FGD2: variants seen among roughly 807,000 people sequenced by gnomAD.
FGD2 encodes the protein FYVE, RhoGEF and PH domain containing 2, also known as FYVE, RhoGEF and PH domain-containing protein 2.
Under a neutral mutation model 75.9 loss-of-function variants are expected in FGD2, and 52 were observed. That is an observed-to-expected ratio of 0.69 (90% CI 0.55 to 0.86). The LOEUF is 0.86. Ranked by LOEUF, FGD2 falls within the 40% of genes least tolerant of loss-of-function variation. FGD2 has a pLI of 0.00. For synonymous variants in FGD2, 347 were observed against 348.6 expected (o/e 1.00, Z 0.05); for missense variants, 790 against 872.0 (o/e 0.91, Z 1.18).
chr6:37,020,984 G>A (rs578110888), intron 11 of FGD2, among the ~76,000 whole-genome samples: 2 of 151,406 alleles, frequency 1.3e-5, no homozygotes, highest in Admixed American at 6.6e-5. Flanking sequence ...GTGTTTGTGT[G>A]TATGTGTGCA....
At chr6:37,022,480 C>A in intron 13 of FGD2, 110 bp downstream of exon 13, 1 of 1,396,520 alleles carries the variant, frequency 7.2e-7, no homozygotes. Flanking sequence ...TCCACCTAGG[C>A]CTCCACCTGC....
At chr6:37,011,278 C>A in intron 3 of FGD2, 1 of 593,658 alleles carries the variant, frequency 1.7e-6, no homozygotes, top group South Asian at 2.0e-5. Context: ...CCCTGTATAG[C>A]AGAGAACACA....
At chr6:37,010,587 G>A (rs750366791) in intron 2 of FGD2, among the ~76,000 whole-genome samples, 13 of 152,196 alleles carry the variant, frequency 8.5e-5, no homozygotes, top group Admixed American at 3.3e-4. Flanking sequence ...AGGGACAGCC[G>A]GAAGACTGGG....
intron 3 of FGD2, 57 bp downstream of exon 3, chr6:37,011,107 C>A: frequency 6.7e-7 from 1 of 1,498,876 alleles, no homozygotes; most frequent in Non-Finnish European, 9.3e-7. Context: ...CTCACCTCAC[C>A]CCTTCTCAGC....
intron 2 of FGD2, 118 bp downstream of exon 2, chr6:37,009,183 G>A: frequency 2.1e-6 from 2 of 935,464 alleles, no homozygotes; most frequent in Non-Finnish European, 3.1e-6. Flanking sequence ...GGTATGGTGT[G>A]ATCAGAGGTC....
chr6:37,014,810 G>T, intron 7 of FGD2, 82 bp from the exon 8 acceptor site: 1 of 1,608,512 alleles, frequency 6.2e-7, no homozygotes, highest in Non-Finnish European at 8.5e-7. Flanking sequence ...TTACCCCCCA[G>T]TCCCCGTCCC....
intron 1 of FGD2, 56 bp downstream of exon 1, chr6:37,005,941 C>T: frequency 6.3e-7 from 1 of 1,586,434 alleles, no homozygotes; most frequent in Non-Finnish European, 8.6e-7. Context: ...CACCCTCCAG[C>T]CTTTCTGGCA....
rs1388248499 is a variant in FGD2 at position 37,014,919 on chromosome 6, T to C, written c.910T>C (p.Tyr304His). Reference sequence around the variant, plus strand: ...GCGGCTGCAGGACCTGTGGGAGGTGTACCAGCGCCTGGGCCTCGAGGACGA... The same window carrying C: ...GCGGCTGCAGGACCTGTGGGAGGTGCACCAGCGCCTGGGCCTCGAGGACGA... ...MERLQDLWEV[Y>H]QRLGLEDDIV... The change falls in exon 8 of 16, where the codon TAC becomes CAC. Residue 304 changes from tyrosine to histidine, a missense_variant. By Grantham distance (83) the Tyr-to-His change is moderately conservative. Transcript: ENST00000274963. 1 of 1,614,036 alleles carries C rather than the reference T, an allele frequency of 6.2e-7. No homozygotes were observed. The highest frequency in any genetic ancestry group is 8.5e-7 in the Non-Finnish European group (1 of 1,179,984).
chr6:37,013,446 T>A, intron 4 of FGD2, 163 bp from the exon 5 acceptor site: 8 of 1,425,770 alleles, frequency 5.6e-6, no homozygotes, highest in Non-Finnish European at 7.3e-6. Flanking sequence ...GTCTAAGGAG[T>A]AGAGGGGCGC....
rs771693088 is a variant in FGD2, at chr6:37,014,900, G to A, written c.891G>A (p.Leu297=). 2 of 1,613,870 alleles carry A rather than the reference G, an allele frequency of 1.2e-6. No homozygotes were observed. Among genetic ancestry groups the A allele is most frequent in the Non-Finnish European group, 1.7e-6 (2 of 1,179,870 alleles). The part of the protein sequence containing the change: ...SNAAITEMER[L]QDLWEVYQRL... ...GCACCCCAACCCCCTAGGAGCGGCTGCAGGACCTGTGGGAGGTGTACCAGC... is the reference window on the plus strand; with the variant it reads ...GCACCCCAACCCCCTAGGAGCGGCTACAGGACCTGTGGGAGGTGTACCAGC... Residue 297 remains leucine, a synonymous_variant, in exon 8 of 16, where the codon CTG becomes CTA. Coordinates refer to ENST00000274963, the MANE Select transcript of FGD2 (RefSeq NM_173558.4).
chr6:37,021,245 A>T (rs1765578205), intron 11 of FGD2, among the ~76,000 whole-genome samples: 1 of 152,070 alleles, frequency 6.6e-6, no homozygotes, highest in South Asian at 2.1e-4. Flanking sequence ...TTGGAGACCG[A>T]TCTGGGTTCC....
intron 9 of FGD2, 62 bp downstream of exon 9, chr6:37,015,922 A>C: frequency 6.9e-7 from 1 of 1,455,226 alleles, no homozygotes; most frequent in Non-Finnish European, 9.3e-7. Flanking sequence ...TACAGGGAGT[A>C]AGAGGAGGGG....
intron 9 of FGD2, among the ~76,000 whole-genome samples, chr6:37,018,475 G>A (rs1158317953): frequency 1.3e-5 from 2 of 152,124 alleles, no homozygotes; most frequent in East Asian, 3.8e-4. Flanking sequence ...GTTCCTATTG[G>A]CCTATGACTC....
intron 13 of FGD2, 75 bp from the exon 14 acceptor site, chr6:37,025,717 C>A: frequency 1.9e-6 from 3 of 1,569,168 alleles, no homozygotes; most frequent in Admixed American, 1.7e-5. Context: ...CATGCCCCCA[C>A]CTGCCCACCA....
chr6:37,021,679 T>C (rs887590432), intron 12 of FGD2, 75 bp downstream of exon 12: 19 of 1,322,372 alleles, frequency 1.4e-5, no homozygotes, highest in African/African-American at 7.3e-5. Flanking sequence ...GTTCTGCCTA[T>C]ACCAGCTCAG....
At chr6:37,023,829 A>C (rs1244120284) in intron 13 of FGD2, 1 of 152,252 alleles carries the variant, frequency 6.6e-6, no homozygotes, top group Non-Finnish European at 1.5e-5. Flanking sequence ...TTGTGAGTGA[A>C]AGTAGTTCTT....
intron 11 of FGD2, 72 bp from the exon 12 acceptor site, chr6:37,021,440 G>A: frequency 7.3e-7 from 1 of 1,376,666 alleles, no homozygotes; most frequent in Non-Finnish European, 1.0e-6. Context: ...TGCATGCACG[G>A]AAGGATGGAC....
Position 37,011,796 on chromosome 6 carries a change from A to G in FGD2, c.469A>G (p.Ile157Val), listed in dbSNP as rs1446080212. The G allele has an allele frequency of 1.2e-6, 2 of 1,613,976 alleles. No individual in the cohort carries two copies. Among genetic ancestry groups the G allele is most frequent in the Non-Finnish European group, 1.7e-6 (2 of 1,180,024 alleles). Residue 157 changes from isoleucine to valine, a missense_variant, in exon 4 of 16, where the codon ATC becomes GTC. Coordinates refer to ENST00000274963, the MANE Select transcript of FGD2 (RefSeq NM_173558.4). ...GGTCATCTTCTCCAACATCTCCTCC[A>G]TCTATCAGTTCCATTCTCAGTTCTT... ...VRVIFSNISS[I>V]YQFHSQFFLP...
intron 6 of FGD2, 81 bp downstream of exon 6, chr6:37,014,181 GT>G: frequency 6.6e-7 from 1 of 1,504,548 alleles, no homozygotes. Context: ...TGCTAAAATG[GT>G]TTTGACGACC....
Sources: allele counts gnomAD v4.1 joint callset (sites outside exome capture counted in the v4.1 genomes callset), GRCh38; gene constraint gnomAD v4.1.1; transcripts MANE v1.5; gene names NCBI Gene and HGNC (gene_info 2026-07-23, HGNC 2026-07-21).